Variants in SLC4A10 observed in about 807,000 individuals in gnomAD.
SLC4A10 encodes solute carrier family 4 member 10.
A neutral mutation model predicts 137.7 loss-of-function variants in SLC4A10; 42 were observed. That is an observed-to-expected ratio of 0.30 (90% confidence interval 0.24 to 0.39). SLC4A10 has a LOEUF of 0.39. Among genes scored for constraint, SLC4A10 ranks in the 10% least tolerant of loss-of-function variants. The pLI is 1.00. For missense variants in SLC4A10, 925 were observed against 1,355.0 expected, an observed-to-expected ratio of 0.68 and a Z score of 4.98; for synonymous variants, 474 against 464.1, an observed-to-expected ratio of 1.02 and a Z score of -0.27.
chr2:161,674,507 A>G (rs2040076126), intron 1 of SLC4A10, among the ~76,000 whole-genome samples: 1 of 152,206 alleles, frequency 6.6e-6, no homozygotes, highest in Non-Finnish European at 1.5e-5. Context: ...GTTTAGCATT[A>G]TCATCTTTCT....
intron 1 of SLC4A10, among the ~76,000 whole-genome samples, chr2:161,756,253 G>A (rs997033838): frequency 1.8e-4 from 27 of 152,088 alleles, no homozygotes; most frequent in Middle Eastern, 3.2e-3. Flanking sequence ...TATGGATATT[G>A]TAAAATTATT....
At chr2:161,837,274 A>T (rs774608899) in intron 3 of SLC4A10, among the ~76,000 whole-genome samples, 2 of 152,216 alleles carry the variant, frequency 1.3e-5, no homozygotes, top group Non-Finnish European at 2.9e-5. Context: ...ACAAGGTCAC[A>T]TGAAAATAAA....
At chr2:161,654,856 T>G (rs558766739) in intron 1 of SLC4A10, among the ~76,000 whole-genome samples, 1 of 152,336 alleles carries the variant, frequency 6.6e-6, no homozygotes, top group East Asian at 1.9e-4. Context: ...TTTAGCTATT[T>G]GGGGTTCTTT....
intron 15 of SLC4A10, among the ~76,000 whole-genome samples, chr2:161,940,576 G>A (rs1411238234): frequency 6.6e-6 from 1 of 152,204 alleles, no homozygotes; most frequent in African/African-American, 2.4e-5. Flanking sequence ...ATTTTCCCCA[G>A]TGGGAGCACT....
intron 2 of SLC4A10, among the ~76,000 whole-genome samples, chr2:161,793,629 G>C (rs982502993): frequency 6.6e-6 from 1 of 151,856 alleles, no homozygotes; most frequent in Non-Finnish European, 1.5e-5. Context: ...TTCTTAATGC[G>C]TTTCAGGTGG....
chr2:161,852,413 TAATAA>T (rs1295059845), intron 4 of SLC4A10, among the ~76,000 whole-genome samples: 4 of 152,144 alleles, frequency 2.6e-5, no homozygotes, highest in Non-Finnish European at 5.9e-5. Context: ...TTAGAAGATT[TAATAA>T]AAGTTGTATC....
At chr2:161,720,397 T>G (rs866387144) in intron 1 of SLC4A10, among the ~76,000 whole-genome samples, 9 of 152,338 alleles carry the variant, frequency 5.9e-5, no homozygotes, top group African/African-American at 2.2e-4. Flanking sequence ...TGGTTCCATA[T>G]GAACTTTAAA....
At chr2:161,946,459 T>G (rs1693821911) in intron 16 of SLC4A10, among the ~76,000 whole-genome samples, 1 of 152,056 alleles carries the variant, frequency 6.6e-6, no homozygotes, top group Admixed American at 6.6e-5. Flanking sequence ...TCTGTGTTTG[T>G]GATCAATCTA....
chr2:161,828,793 TATATATATATATATATG>T (rs2058213307), intron 3 of SLC4A10, among the ~76,000 whole-genome samples: 1 of 118,764 alleles, frequency 8.4e-6, no homozygotes, highest in African/African-American at 3.3e-5. Context: ...TATATATATA[TATATATATATATATATG>T]TATAATCTAC....
chr2:161,918,468 A>G (rs1049729853), intron 15 of SLC4A10, among the ~76,000 whole-genome samples: 1 of 152,188 alleles, frequency 6.6e-6, no homozygotes, highest in African/African-American at 2.4e-5. Context: ...GAAGTTTTAA[A>G]TTTCAAATAG....
chr2:161,876,143 G>A (rs192929208), intron 8 of SLC4A10, among the ~76,000 whole-genome samples: 10 of 152,232 alleles, frequency 6.6e-5, no homozygotes, highest in Non-Finnish European at 1.3e-4. Context: ...GGTCTGGGCA[G>A]CCCAGAAGCA....
At chr2:161,637,976 T>A (rs2034703122) in intron 1 of SLC4A10, among the ~76,000 whole-genome samples, 1 of 152,176 alleles carries the variant, frequency 6.6e-6, no homozygotes, top group African/African-American at 2.4e-5. Flanking sequence ...TATTTGAGTT[T>A]CTGATTTAAT....
At chr2:161,735,745 A>G (rs1488716420) in intron 1 of SLC4A10, among the ~76,000 whole-genome samples, 7 of 151,866 alleles carry the variant, frequency 4.6e-5, no homozygotes. Flanking sequence ...ACTCGGCTTG[A>G]CTCTGTCCTT....
chr2:161,980,759 A>G (rs1318559110), intron 26 of SLC4A10, among the ~76,000 whole-genome samples: 2 of 152,204 alleles, frequency 1.3e-5, no homozygotes, highest in Non-Finnish European at 2.9e-5. Context: ...TTACTTCCTT[A>G]TATTTTAAAT....
At chr2:161,823,669 A>C (rs1034392305) in intron 3 of SLC4A10, among the ~76,000 whole-genome samples, 2 of 152,258 alleles carry the variant, frequency 1.3e-5, no homozygotes, top group African/African-American at 4.8e-5. Context: ...TTTCAGGCAG[A>C]TAACATAAAA....
chr2:161,834,283 T>G (rs1250582212), intron 3 of SLC4A10, among the ~76,000 whole-genome samples: 1 of 152,204 alleles, frequency 6.6e-6, no homozygotes, highest in African/African-American at 2.4e-5. Flanking sequence ...GTACCATTAA[T>G]GTAGGGGACA....
chr2:161,965,280 C>A, intron 23 of SLC4A10, 107 bp downstream of exon 23: 2 of 1,163,816 alleles, frequency 1.7e-6, no homozygotes, highest in Non-Finnish European at 2.3e-6. Flanking sequence ...TGTCTTTAGA[C>A]AGTGATCACT....
chr2:161,729,474 C>CA (rs1165207230), intron 1 of SLC4A10, among the ~76,000 whole-genome samples: 1 of 151,692 alleles, frequency 6.6e-6, no homozygotes. Context: ...TTATAGGAAT[C>CA]TATACATGTG....
intron 1 of SLC4A10, among the ~76,000 whole-genome samples, chr2:161,644,083 C>G (rs12999409): frequency 1.0e-5 from 1 of 98,686 alleles, no homozygotes; most frequent in South Asian, 3.5e-4. Flanking sequence ...TTTTTTTTTT[C>G]TTTTTCTTAA....
Sources: gnomAD v4.1 joint callset for allele counts (sites outside exome capture counted in the v4.1 genomes callset) on GRCh38, gnomAD v4.1.1 for gene constraint, MANE v1.5 for transcripts, NCBI Gene and HGNC (gene_info 2026-07-23, HGNC 2026-07-21) for gene names.